Variants in CHN2 observed in about 807,000 individuals in gnomAD.
CHN2 encodes the protein chimerin 2.
Under a neutral mutation model 56.3 loss-of-function variants are expected in CHN2, and 35 were observed. The ratio of observed to expected loss-of-function variants is 0.62; its 90% CI spans 0.47 to 0.82. The LOEUF is 0.82. Ranked by LOEUF, CHN2 falls within the 40% of genes least tolerant of loss-of-function variation. The pLI is 0.00. For missense variants in CHN2, 491 were observed against 580.5 expected, an observed-to-expected ratio of 0.85 and a Z score of 1.58; for synonymous variants, 210 against 212.8, an observed-to-expected ratio of 0.99 and a Z score of 0.12.
At chr7:29,427,653 ATTC>A (rs1805002934) in intron 6 of CHN2, among the ~76,000 whole-genome samples, 1 of 103,620 alleles carries the variant, frequency 9.7e-6, no homozygotes, top group African/African-American at 3.8e-5. Flanking sequence ...TATATTTTTT[ATTC>A]TTTTTTTTTT....
intron 1 of CHN2, among the ~76,000 whole-genome samples, chr7:29,211,147 T>G (rs1446643368): frequency 3.3e-5 from 5 of 151,802 alleles, no homozygotes; most frequent in African/African-American, 9.7e-5. Context: ...CTCGGCTCAC[T>G]GCAAGCTCCG....
intron 6 of CHN2, among the ~76,000 whole-genome samples, chr7:29,470,108 C>G (rs1340905103): frequency 6.6e-6 from 1 of 152,214 alleles, no homozygotes; most frequent in African/African-American, 2.4e-5. Flanking sequence ...ATGACAGTCT[C>G]TTTTCCAGAG....
At chr7:29,425,407 G>C (rs1804763307) in intron 6 of CHN2, among the ~76,000 whole-genome samples, 1 of 152,224 alleles carries the variant, frequency 6.6e-6, no homozygotes, top group South Asian at 2.1e-4. Context: ...GCATGATTGA[G>C]ATGTAGATCT....
At chr7:29,204,115 G>A (rs1197023150) in intron 1 of CHN2, among the ~76,000 whole-genome samples, 1 of 136,666 alleles carries the variant, frequency 7.3e-6, no homozygotes, top group Non-Finnish European at 1.6e-5. Context: ...GTGTGTGTGT[G>A]TAGAAAACTC....
At chr7:29,479,427 T>A (rs1420131) in intron 6 of CHN2, among the ~76,000 whole-genome samples, 77,540 of 152,026 alleles carry the variant, frequency 0.51, 20,115 homozygotes, top group African/African-American at 0.58. Context: ...TTCTGCAACT[T>A]TGCAGAACTC....
chr7:29,148,805 T>A (rs1230951791), intron 2 of CHN2: 2 of 152,188 alleles, frequency 1.3e-5, no homozygotes, highest in African/African-American at 4.8e-5. Flanking sequence ...GACACACAGA[T>A]TGATCCCATC....
chr7:29,207,191 G>A (rs1004943662), intron 1 of CHN2, among the ~76,000 whole-genome samples: 4 of 152,212 alleles, frequency 2.6e-5, no homozygotes, highest in Non-Finnish European at 5.9e-5. Context: ...CAGTCATAAC[G>A]TGAGCAAACA....
At chr7:29,151,060 G>A (rs1484267197) in intron 2 of CHN2, among the ~76,000 whole-genome samples, 1 of 152,110 alleles carries the variant, frequency 6.6e-6, no homozygotes, top group Non-Finnish European at 1.5e-5. Flanking sequence ...CCCAGGTGGC[G>A]GTAACCAAGC....
intron 3 of CHN2, among the ~76,000 whole-genome samples, chr7:29,381,330 A>G (rs1289377908): frequency 6.6e-6 from 1 of 152,208 alleles, no homozygotes; most frequent in Non-Finnish European, 1.5e-5. Context: ...AAAAAACTCT[A>G]GCCAACAGAG....
intron 1 of CHN2, among the ~76,000 whole-genome samples, chr7:29,288,591 AG>A (rs1383828678): frequency 1.3e-5 from 2 of 152,078 alleles, no homozygotes; most frequent in Non-Finnish European, 2.9e-5. Context: ...TTAATAATCA[AG>A]GGGCTTGGCC....
chr7:29,333,800 A>G (rs1796396088), intron 1 of CHN2, among the ~76,000 whole-genome samples: 1 of 152,160 alleles, frequency 6.6e-6, no homozygotes, highest in African/African-American at 2.4e-5. Context: ...CGGAAGCAGT[A>G]TCTTTCATAG....
At chr7:29,334,190 A>G (rs1004934352) in intron 1 of CHN2, among the ~76,000 whole-genome samples, 4 of 151,102 alleles carry the variant, frequency 2.6e-5, no homozygotes, top group Admixed American at 2.0e-4. Context: ...AGCTGGGATT[A>G]GAGGCACTCA....
chr7:29,241,293 G>T (rs1297295408), intron 1 of CHN2, among the ~76,000 whole-genome samples: 1 of 152,136 alleles, frequency 6.6e-6, no homozygotes, highest in African/African-American at 2.4e-5. Flanking sequence ...TTTATTGGGT[G>T]AAAAGGAAGA....
intron 2 of CHN2, among the ~76,000 whole-genome samples, chr7:29,150,662 G>A (rs1230469296): frequency 6.6e-6 from 1 of 152,202 alleles, no homozygotes; most frequent in East Asian, 1.9e-4. Context: ...GAGCTGCAAT[G>A]GAAACAAGGG....
intron 1 of CHN2, among the ~76,000 whole-genome samples, chr7:29,310,756 G>A (rs1025624618): frequency 6.6e-6 from 1 of 152,150 alleles, no homozygotes; most frequent in Non-Finnish European, 1.5e-5. Flanking sequence ...CATGGTGGGA[G>A]GAGGAAGGTG....
chr7:29,263,839 T>A (rs1789818160), intron 1 of CHN2, among the ~76,000 whole-genome samples: 1 of 147,200 alleles, frequency 6.8e-6, no homozygotes, highest in South Asian at 2.2e-4. Context: ...GGCCGCCTCG[T>A]CTGAGAAGTG....
intron 1 of CHN2, among the ~76,000 whole-genome samples, chr7:29,305,625 T>C (rs148061299): frequency 2.1e-3 from 322 of 152,358 alleles, no homozygotes; most frequent in African/African-American, 7.4e-3. Flanking sequence ...AGCTATTTGA[T>C]TGGCATTGCG....
At position 29,212,370 on chromosome 7, in the gene CHN2, C is replaced by A. The variant is rs1785020627; in HGVS notation, c.49+17380C>A. ...AGCATCCGACTGTAAAGAATCTTAA[C>A]CTATGGCTGTGATTTGTGGGCCTGA... On this transcript the variant is annotated intron_variant, in intron 1 of 12. Coordinates refer to ENST00000222792, the MANE Select transcript of CHN2 (RefSeq NM_004067.4). 7.6e-6 allele frequency: 12 copies of A among 1,585,724 alleles called. No homozygotes were observed. In the East Asian group the frequency reaches 2.7e-4, roughly 35 times the overall value.
intron 9 of CHN2, among the ~76,000 whole-genome samples, chr7:29,502,002 T>C (rs1463271307): frequency 6.6e-6 from 1 of 152,196 alleles, no homozygotes; most frequent in African/African-American, 2.4e-5. Flanking sequence ...ATAAGGTGGT[T>C]GGTGAGGATT....
Sources: gnomAD v4.1 joint callset for allele counts (sites outside exome capture counted in the v4.1 genomes callset) on GRCh38, gnomAD v4.1.1 for gene constraint, MANE v1.5 for transcripts, NCBI Gene and HGNC (gene_info 2026-07-23, HGNC 2026-07-21) for gene names.